DONSON: variants seen among roughly 807,000 people sequenced by gnomAD.
DONSON encodes protein downstream neighbor of Son.
Under a neutral mutation model 62.1 loss-of-function variants are expected in DONSON, and 43 were observed. That is an observed-to-expected ratio of 0.69 (90% confidence interval 0.54 to 0.89). The LOEUF is 0.89. DONSON is among the 40% of genes least tolerant of loss of function. DONSON has a pLI of 0.00. For missense variants in DONSON, 696 were observed against 697.5 expected, an observed-to-expected ratio of 1.00 and a Z score of 0.03; for synonymous variants, 266 against 264.6, an observed-to-expected ratio of 1.01 and a Z score of -0.05.
intron 2 of DONSON, 130 bp downstream of exon 2, chr21:33,587,392 C>T: frequency 8.6e-6 from 12 of 1,395,938 alleles, no homozygotes; most frequent in Non-Finnish European, 1.1e-5. Context: ...ATGATCAAGC[C>T]TCTCTGTAAA....
rs1355328242 is a variant in DONSON at position 33,578,322 on chromosome 21, ATAAATG to A, written c.1680_1685del (p.Ile561_Tyr562del). The A allele has an allele frequency of 6.2e-7, 1 of 1,613,516 alleles. No homozygotes were observed. The highest frequency in any genetic ancestry group is 8.5e-7 in the Non-Finnish European group (1 of 1,179,808). ...ACTTTGGTGTTCAGGATCTCCAATT[ATAAATG>A]TAGTCTCTCAGCACCACATTCCGTA... On this transcript the variant is annotated inframe_deletion, in exon 10 of 10. Transcript: ENST00000303071.
rs2086484118 is a variant in DONSON, at chr21:33,579,729, T to C, written c.1351-167A>G. 6 of 543,598 alleles carry C rather than the reference T, an allele frequency of 1.1e-5. No homozygotes were observed. The South Asian group carries it at 1.7e-4, about 15-fold the overall frequency. 33.7% of individuals were successfully genotyped at this position (543,598 alleles called of 1,614,324 possible). On this transcript the variant is annotated intron_variant, in intron 8 of 9. Coordinates refer to ENST00000303071, the MANE Select transcript of DONSON (RefSeq NM_017613.4). ...ACAATGTTATGTGAGTACAAATACT[T>C]AGTAAATTTTCAGCAACCTTTCCAT...
chr21:33,584,823 T>C, intron 3 of DONSON, 55 bp from the exon 4 acceptor site: 1 of 1,369,614 alleles, frequency 7.3e-7, no homozygotes, highest in Non-Finnish European at 9.7e-7. Flanking sequence ...ATAGAGAATT[T>C]TATTAAAGAC....
chr21:33,577,684 CACACACACACA>C lies in DONSON; in HGVS notation c.*612_*622del, dbSNP rs1569073220. 9.0e-6 allele frequency: 1 copy of C among 110,758 alleles called. No homozygotes were observed. The highest frequency in any genetic ancestry group is 4.2e-5 in the African/African-American group (1 of 23,808). 6.9% of individuals were successfully genotyped at this position (110,758 alleles called of 1,614,324 possible). On this transcript the variant is annotated 3_prime_UTR_variant, in exon 10 of 10. Coordinates refer to ENST00000303071, the MANE Select transcript of DONSON (RefSeq NM_017613.4). ...ACACACACACACACACACACACACA[CACACACACACA>C]CACACACCCCTATAAGCACATTAAA...
intron 4 of DONSON, among the ~76,000 whole-genome samples, chr21:33,583,997 G>T (rs2086547219): frequency 7.3e-6 from 1 of 137,752 alleles, no homozygotes; most frequent in African/African-American, 2.7e-5. Flanking sequence ...TAGCATTAAA[G>T]AATTAGGGCT....
At chr21:33,586,827 G>A (rs959387137) in intron 2 of DONSON, among the ~76,000 whole-genome samples, 1 of 151,768 alleles carries the variant, frequency 6.6e-6, no homozygotes, top group Non-Finnish European at 1.5e-5. Flanking sequence ...AGTCGAGACG[G>A]GGGTTTCGTC....
chr21:33,578,450 G>A lies in DONSON; in HGVS notation c.1564-6C>T, dbSNP rs778412315. On this transcript the variant is annotated splice_polypyrimidine_tract_variant and splice_region_variant and intron_variant, in intron 9 of 9. Coordinates refer to ENST00000303071, the MANE Select transcript of DONSON (RefSeq NM_017613.4). ...AGCTCCTTATGAACAACCTCCTGTG[G>A]AAATGTGTGTACAAGTCAGTAAAAA... 1 of 1,612,574 alleles carries A rather than the reference G, an allele frequency of 6.2e-7. No individual in the cohort carries two copies. The highest frequency in any genetic ancestry group is 2.2e-5 in the East Asian group (1 of 44,818).
At position 33,581,519 on chromosome 21, in the gene DONSON, G is replaced by A; in HGVS notation, c.1152-19C>T. ...TTTACGCCTGAAGATGACAATCAAG[G>A]AAATTGCAAAAGCAAATCTCACCTA... On this transcript the variant is annotated intron_variant, in intron 7 of 9. Transcript: ENST00000303071. 2 of 1,603,420 alleles carry A rather than the reference G, an allele frequency of 1.2e-6. No individual in the cohort carries two copies. Among genetic ancestry groups the A allele is most frequent in the South Asian group, 1.1e-5 (1 of 90,484 alleles).
chr21:33,583,199 T>TAAAAAAAAAAAAAAAAAAAAAAAAAAAAA (rs2086534551), intron 5 of DONSON, among the ~76,000 whole-genome samples: 1 of 15,624 alleles, frequency 6.4e-5, no homozygotes, highest in African/African-American at 6.0e-4. Context: ...AGTCTCCATC[T>TAAAAAAAAAAAAAAAAAAAAAAAAAAAAA]CAAAAAAAAA....
Position 33,581,405 on chromosome 21 carries a change from AT to A in DONSON, c.1246del (p.Ile416LeufsTer6). 1 of 1,614,196 alleles carries A rather than the reference AT, an allele frequency of 6.2e-7. No homozygotes were observed. Among genetic ancestry groups the A allele is most frequent in the Non-Finnish European group, 8.5e-7 (1 of 1,180,026 alleles). On this transcript the variant is annotated frameshift_variant, in exon 8 of 10. Coordinates refer to ENST00000303071, the MANE Select transcript of DONSON (RefSeq NM_017613.4). LOFTEE classifies it high-confidence loss of function. ...INTFTLLNFL[I>X]NSKSLVATSG... ...GGTAGCAACTAAACTCTTAGAGTTA[AT>A]CAAAAAATTGAGCAATGTAAAGGTG...
chr21:33,581,831 AG>A (rs1285452327), intron 7 of DONSON, 119 bp downstream of exon 7: 3 of 878,028 alleles, frequency 3.4e-6, no homozygotes, highest in Non-Finnish European at 5.3e-6. Context: ...ATGGAGAATT[AG>A]TTTTAATATG....
At position 33,577,634 on chromosome 21, in the gene DONSON, CA is replaced by C. The variant is rs2086437694; in HGVS notation, c.*672del. On this transcript the variant is annotated 3_prime_UTR_variant, in exon 10 of 10. Coordinates refer to ENST00000303071, the MANE Select transcript of DONSON (RefSeq NM_017613.4). ...ACACACACACACACACACACACACA[CA>C]CACACACACACACACACACACACAC... 1 of 38,476 alleles carries C rather than the reference CA, an allele frequency of 2.6e-5. No homozygotes were observed. The highest frequency in any genetic ancestry group is 5.5e-5 in the Non-Finnish European group (1 of 18,092). 2.4% of individuals were successfully genotyped at this position (38,476 alleles called of 1,614,324 possible). A position where few individuals can be genotyped will look rare whatever the true frequency, so the allele number is the denominator to read the frequency against.
intron 5 of DONSON, 138 bp downstream of exon 5, chr21:33,583,350 A>T (rs913372003): frequency 2.6e-6 from 2 of 767,920 alleles, no homozygotes; most frequent in African/African-American, 3.5e-5. Flanking sequence ...GAGGGAAAAA[A>T]AGCCAGAAAT....
Position 33,579,343 on chromosome 21 carries a change from T to C in DONSON, c.1563+7A>G, listed in dbSNP as rs142080512. The C allele has an allele frequency of 2.5e-6, 4 of 1,587,670 alleles. No homozygotes were observed. The highest frequency in any genetic ancestry group is 1.7e-4 in the Middle Eastern group (1 of 5,770). On this transcript the variant is annotated splice_region_variant and intron_variant, in intron 9 of 9. Transcript: ENST00000303071. ...CTAAAACAGTCTGCTCATAGGTGTC[T>C]ACTTACCATATCAAGTACTTTGTCC...
At chr21:33,583,306 A>C (rs1179582120) in intron 5 of DONSON, among the ~76,000 whole-genome samples, 182 bp downstream of exon 5, 1 of 151,610 alleles carries the variant, frequency 6.6e-6, no homozygotes, top group Non-Finnish European at 1.5e-5. Flanking sequence ...AGTGCCAAAA[A>C]GTTTGCGGAC....
In DONSON at chr21:33,588,415, C is replaced by G. The variant is rs2086606919; in HGVS notation, c.227G>C (p.Arg76Pro). ...GGSGGGPAAARRNPFARLDNR... is the reference protein window; with the variant it reads ...GGSGGGPAAAPRNPFARLDNR... The stretch of plus-strand genomic sequence containing the variant: ...GTCCAGGCGGGCGAAGGGGTTCCTC[C>G]GAGCAGCGGCCGGGCCGCCGCCGCT... Residue 76 changes from arginine to proline, a missense_variant, in exon 1 of 10, where the codon CGG becomes CCG. By Grantham distance (103) the Arg-to-Pro change is moderately radical. Coordinates refer to ENST00000303071, the MANE Select transcript of DONSON (RefSeq NM_017613.4). 7.6e-7 allele frequency: 1 copy of G among 1,308,050 alleles called. No homozygotes were observed. The highest frequency in any genetic ancestry group is 1.5e-5 in the African/African-American group (1 of 65,378). The allele number at this position is 1,308,050 out of a possible 1,614,324, so 81.0% of individuals were successfully genotyped here. A position where few individuals can be genotyped will look rare whatever the true frequency, so the allele number is the denominator to read the frequency against.
intron 2 of DONSON, 111 bp downstream of exon 2, chr21:33,587,411 C>T (rs1449621497): frequency 7.1e-7 from 1 of 1,407,884 alleles, no homozygotes; most frequent in East Asian, 2.7e-5. Context: ...AAACTACTTT[C>T]CAAGCAAAAT....
rs2086448845 is a variant in DONSON at position 33,577,696 on chromosome 21, CA to C, written c.*610del. 6 of 129,324 alleles carry C rather than the reference CA, an allele frequency of 4.6e-5. 1 individual carries two copies. The highest frequency in any genetic ancestry group is 8.2e-5 in the Admixed American group (1 of 12,262). The allele number at this position is 129,324 out of a possible 1,614,324, so 8.0% of individuals were successfully genotyped here. A position where few individuals can be genotyped will look rare whatever the true frequency, so the allele number is the denominator to read the frequency against. The stretch of plus-strand genomic sequence containing the variant: ...ACACACACACACACACACACACACA[CA>C]CACACCCCTATAAGCACATTAAATA... On this transcript the variant is annotated 3_prime_UTR_variant, in exon 10 of 10. Transcript: ENST00000303071.
chr21:33,580,504 A>T (rs1013616245), intron 8 of DONSON, among the ~76,000 whole-genome samples: 1 of 124,004 alleles, frequency 8.1e-6, no homozygotes, highest in Non-Finnish European at 1.7e-5. Context: ...AAAAAAAAAA[A>T]GCAGGGCATG....
Sources: gnomAD v4.1 joint callset for allele counts (sites outside exome capture counted in the v4.1 genomes callset) on GRCh38, gnomAD v4.1.1 for gene constraint, MANE v1.5 for transcripts, NCBI Gene and HGNC (gene_info 2026-07-23, HGNC 2026-07-21) for gene names.